ERC2: variants seen among roughly 807,000 people sequenced by gnomAD.
The protein encoded by ERC2 is ERC protein 2.
Under a neutral mutation model 114.8 loss-of-function variants are expected in ERC2, and 42 were observed. That is an observed-to-expected ratio of 0.37 (90% CI 0.29 to 0.47). The LOEUF (loss-of-function observed/expected upper bound fraction) is 0.47. Ranked by LOEUF, ERC2 falls within the 20% of genes least tolerant of loss-of-function variation. The pLI is 0.99. For missense variants in ERC2, 939 were observed against 1,150.7 expected, an observed-to-expected ratio of 0.82 and a Z score of 2.66; for synonymous variants, 454 against 425.5, an observed-to-expected ratio of 1.07 and a Z score of -0.82.
intron 6 of ERC2, among the ~76,000 whole-genome samples, chr3:56,102,147 G>T (rs7651042): frequency 0.16 from 23,988 of 152,042 alleles, 2,017 homozygotes; most frequent in South Asian, 0.27. Context: ...CACTGGAATC[G>T]CAAATCAAAT....
At chr3:56,071,325 C>T (rs1024198577) in intron 7 of ERC2, among the ~76,000 whole-genome samples, 2 of 152,288 alleles carry the variant, frequency 1.3e-5, no homozygotes, top group Non-Finnish European at 2.9e-5. Context: ...TTGAGTACAG[C>T]CCAGGCTCTG....
chr3:55,649,802 C>T (rs2060539434), intron 17 of ERC2, among the ~76,000 whole-genome samples: 1 of 152,178 alleles, frequency 6.6e-6, no homozygotes, highest in African/African-American at 2.4e-5. Context: ...ACAATGCTGA[C>T]ACTTCTGTCA....
At chr3:55,798,671 T>C (rs1487772770) in intron 14 of ERC2, among the ~76,000 whole-genome samples, 8 of 151,788 alleles carry the variant, frequency 5.3e-5, no homozygotes, top group Admixed American at 6.6e-5. Context: ...AGCCAAGTTT[T>C]CCACAGCAAC....
intron 13 of ERC2, among the ~76,000 whole-genome samples, chr3:55,905,001 C>G (rs2064345395): frequency 6.6e-6 from 1 of 152,214 alleles, no homozygotes; most frequent in South Asian, 2.1e-4. Context: ...CTTCTCTAGT[C>G]TAACAAAAGC....
At chr3:56,231,086 T>C (rs958537781) in intron 3 of ERC2, among the ~76,000 whole-genome samples, 5 of 152,228 alleles carry the variant, frequency 3.3e-5, no homozygotes, top group African/African-American at 1.2e-4. Flanking sequence ...CCTATTTTAG[T>C]TGAAATTCAA....
chr3:56,288,553 T>C (rs183587295), intron 3 of ERC2, among the ~76,000 whole-genome samples: 2 of 152,336 alleles, frequency 1.3e-5, no homozygotes, highest in African/African-American at 2.4e-5. Flanking sequence ...AATTAGCATG[T>C]AGCATTCAAA....
At chr3:56,326,751 C>T (rs986041914) in intron 2 of ERC2, among the ~76,000 whole-genome samples, 3 of 152,186 alleles carry the variant, frequency 2.0e-5, no homozygotes, top group African/African-American at 7.2e-5. Context: ...CTGCTAGTGA[C>T]CACAGCCCTC....
chr3:56,183,755 G>A (rs2083428105), intron 3 of ERC2, among the ~76,000 whole-genome samples: 1 of 152,114 alleles, frequency 6.6e-6, no homozygotes, highest in Non-Finnish European at 1.5e-5. Context: ...ATGCCTAGAG[G>A]ATTTGGGGAA....
intron 10 of ERC2, 54 bp from the exon 11 acceptor site, chr3:55,992,304 G>C (rs1425226179): frequency 6.8e-7 from 1 of 1,467,290 alleles, no homozygotes; most frequent in South Asian, 1.2e-5. Flanking sequence ...TAGAACAATA[G>C]ACAGTGCTGT....
intron 3 of ERC2, among the ~76,000 whole-genome samples, chr3:56,194,282 T>C (rs1213148338): frequency 6.6e-6 from 1 of 152,164 alleles, no homozygotes; most frequent in East Asian, 1.9e-4. Context: ...ATCCGTGGAT[T>C]AACTTTATTT....
chr3:56,343,272 G>A (rs1036453279), intron 2 of ERC2, among the ~76,000 whole-genome samples: 1 of 150,172 alleles, frequency 6.7e-6, no homozygotes, highest in Non-Finnish European at 1.5e-5. Context: ...TGTGTAAGAA[G>A]CTCCACACCC....
At chr3:55,896,567 A>T (rs1481828258) in intron 13 of ERC2, among the ~76,000 whole-genome samples, 3 of 152,246 alleles carry the variant, frequency 2.0e-5, no homozygotes, top group African/African-American at 7.2e-5. Flanking sequence ...TTTCCTGGGG[A>T]AAAAAGTTTT....
intron 2 of ERC2, among the ~76,000 whole-genome samples, chr3:56,414,550 TAG>T (rs1438078877): frequency 1.3e-5 from 2 of 151,806 alleles, no homozygotes. Flanking sequence ...GTGAATTATT[TAG>T]ACTCTACTAA....
At chr3:56,130,190 A>G (rs2149885791) in intron 6 of ERC2, among the ~76,000 whole-genome samples, 1 of 152,306 alleles carries the variant, frequency 6.6e-6, no homozygotes, top group South Asian at 2.1e-4. Flanking sequence ...GTCTGCTCAT[A>G]TGTATTCCTT....
chr3:56,033,028 A>G (rs1356483690), intron 7 of ERC2, among the ~76,000 whole-genome samples: 15 of 61,840 alleles, frequency 2.4e-4, no homozygotes, highest in South Asian at 5.6e-4. Context: ...AGAAAAAAGA[A>G]ACAGAAAGAA....
At chr3:55,936,992 G>C (rs2066483365) in intron 13 of ERC2, among the ~76,000 whole-genome samples, 1 of 152,146 alleles carries the variant, frequency 6.6e-6, no homozygotes, top group Admixed American at 6.5e-5. Context: ...GACAGCATCG[G>C]GAGTCAACAC....
At chr3:55,660,462 TG>T (rs1283878184) in intron 17 of ERC2, among the ~76,000 whole-genome samples, 1 of 149,628 alleles carries the variant, frequency 6.7e-6, no homozygotes, top group East Asian at 2.0e-4. Flanking sequence ...TTGCAGAACC[TG>T]GGGGGTGGGG....
At chr3:56,115,393 C>A (rs1430854624) in intron 6 of ERC2, among the ~76,000 whole-genome samples, 1 of 152,094 alleles carries the variant, frequency 6.6e-6, no homozygotes, top group Non-Finnish European at 1.5e-5. Flanking sequence ...GAGGGCTAAC[C>A]ATAGGGTTGG....
chr3:56,015,040 A>G (rs1412817992), intron 8 of ERC2, among the ~76,000 whole-genome samples: 2 of 152,192 alleles, frequency 1.3e-5, no homozygotes, highest in African/African-American at 2.4e-5. Context: ...CAATGTTTAA[A>G]TTGTTACAGG....
Sources: gnomAD v4.1 joint callset for allele counts (sites outside exome capture counted in the v4.1 genomes callset) on GRCh38, gnomAD v4.1.1 for gene constraint, MANE v1.5 for transcripts, NCBI Gene and HGNC (gene_info 2026-07-23, HGNC 2026-07-21) for gene names.